NFIL3: variants seen among roughly 807,000 people sequenced by gnomAD.
NFIL3 encodes the protein nuclear factor interleukin-3-regulated protein.
A neutral mutation model predicts 10.0 loss-of-function variants in NFIL3; 5 were observed. The ratio of observed to expected loss-of-function variants is 0.50; its 90% CI spans 0.26 to 1.06. The LOEUF is 1.06. NFIL3 is among the 50% of genes least tolerant of loss of function. The pLI, the probability that NFIL3 is intolerant of heterozygous loss-of-function variation, is 0.13. For missense variants in NFIL3, 436 were observed against 547.6 expected (o/e 0.80, Z 2.03); for synonymous variants, 202 against 206.5 (o/e 0.98, Z 0.19).
Position 91,410,429 on chromosome 9 carries a change from C to T in NFIL3, c.306G>A (p.Glu102=). ...EKRRLNDLVL[E]NKLIALGEEN... ...CTTCTCCCAGTGCAATTAGTTTGTT[C>T]TCTAAAACCAGGTCATTCAGTCGAC... The change falls in exon 2 of 2, where the codon GAG becomes GAA. Residue 102 remains glutamate (E), a synonymous_variant. Coordinates refer to ENST00000297689, the MANE Select transcript of NFIL3 (RefSeq NM_005384.3). This position sits in a 1 kb window ranked among gnomAD's most constrained non-coding sequence, Gnocchi z 5.7. 6.2e-7 allele frequency: 1 copy of T among 1,613,968 alleles called. No homozygotes were observed. Among genetic ancestry groups the T allele is most frequent in the Non-Finnish European group, 8.5e-7 (1 of 1,180,002 alleles).
the NFIL3 span, among the ~76,000 whole-genome samples, chr9:91,450,787 TA>T: frequency 6.6e-6 from 1 of 152,212 alleles, no homozygotes; most frequent in South Asian, 2.1e-4. Context: ...TTCTGTTCAT[TA>T]TTGAAAGTGG....
the NFIL3 span, among the ~76,000 whole-genome samples, chr9:91,429,367 T>C: frequency 5.0e-4 from 76 of 152,264 alleles, no homozygotes; most frequent in Non-Finnish European, 9.7e-4. Context: ...TTAGCATGGG[T>C]TGACTAACAT....
At chr9:91,477,108 T>C in the NFIL3 span, among the ~76,000 whole-genome samples, 1 of 152,184 alleles carries the variant, frequency 6.6e-6, no homozygotes, top group African/African-American at 2.4e-5. Context: ...CGGGCTGCAC[T>C]GGGTTCCCTG....
At chr9:91,455,794 G>A in the NFIL3 span, among the ~76,000 whole-genome samples, 3 of 152,066 alleles carry the variant, frequency 2.0e-5, no homozygotes, top group Admixed American at 6.6e-5. Flanking sequence ...TTATTGGAAC[G>A]CTATGCACGT....
intron 1 of NFIL3, among the ~76,000 whole-genome samples, chr9:91,419,995 G>C (rs1302327976): frequency 1.3e-5 from 2 of 152,186 alleles, no homozygotes; most frequent in African/African-American, 4.8e-5. Flanking sequence ...GTTTTAGATA[G>C]AGAAATCATC....
chr9:91,472,387 G>A, the NFIL3 span, among the ~76,000 whole-genome samples: 1 of 152,228 alleles, frequency 6.6e-6, no homozygotes, highest in African/African-American at 2.4e-5. Flanking sequence ...ATATTTCTTG[G>A]AGGCTTTGTT....
Position 91,410,850 on chromosome 9 carries a change from C to T in NFIL3, c.-116G>A, listed in dbSNP as rs964791267. 1.5e-5 allele frequency: 17 copies of T among 1,130,034 alleles called. No homozygotes were observed. The highest frequency in any genetic ancestry group is 5.0e-5 in the East Asian group (2 of 39,664). 70.0% of individuals were successfully genotyped at this position (1,130,034 alleles called of 1,614,324 possible). A position where few individuals can be genotyped will look rare whatever the true frequency, so the allele number is the denominator to read the frequency against. ...ATCAATATTCTTCCTTTTGTTCTACCGTCTGGGATAAATCCGTCAGGCTCC... is the reference window on the plus strand; with the variant it reads ...ATCAATATTCTTCCTTTTGTTCTACTGTCTGGGATAAATCCGTCAGGCTCC... On this transcript the variant is annotated 5_prime_UTR_variant, in exon 2 of 2. Transcript: ENST00000297689. This position sits in a 1 kb window ranked among gnomAD's most constrained non-coding sequence, Gnocchi z 5.7.
At chr9:91,427,013 T>C (rs1587971572), upstream of NFIL3, 2 of 151,300 alleles carry the variant, frequency 1.3e-5, no homozygotes, top group Non-Finnish European at 2.9e-5. Context: ...GTTTTTCAGC[T>C]CTCTCATCAA....
At chr9:91,431,399 A>G in the NFIL3 span, among the ~76,000 whole-genome samples, 1 of 152,144 alleles carries the variant, frequency 6.6e-6, no homozygotes, top group African/African-American at 2.4e-5. Context: ...TCTACACAGT[A>G]AGAATAATAA....
At chr9:91,438,601 C>A in the NFIL3 span, among the ~76,000 whole-genome samples, 4,517 of 152,254 alleles carry the variant, frequency 0.03, 94 homozygotes, top group East Asian at 0.092. Context: ...TGTTCAGGCA[C>A]TTTTCCCCTC....
At chr9:91,421,082 G>A (rs1170888705) in intron 1 of NFIL3, among the ~76,000 whole-genome samples, 6 of 152,170 alleles carry the variant, frequency 3.9e-5, no homozygotes, top group Non-Finnish European at 7.4e-5. Flanking sequence ...GAAATACAAT[G>A]AAGACTCTTG....
At chr9:91,435,850 ACTTC>A in the NFIL3 span, among the ~76,000 whole-genome samples, 1 of 152,172 alleles carries the variant, frequency 6.6e-6, no homozygotes, top group African/African-American at 2.4e-5. Context: ...CTGGATTTTT[ACTTC>A]CTTCAGTTAC....
At chr9:91,417,998 GACA>G (rs146464502) in intron 1 of NFIL3, among the ~76,000 whole-genome samples, 10,536 of 152,162 alleles carry the variant, frequency 0.069, 449 homozygotes, top group Admixed American at 0.097. Flanking sequence ...TAAATACGAT[GACA>G]ACATTGCATT....
chr9:91,447,221 A>G, the NFIL3 span, among the ~76,000 whole-genome samples: 1 of 152,204 alleles, frequency 6.6e-6, no homozygotes, highest in Admixed American at 6.5e-5. Context: ...TTGTTTACCC[A>G]TTCATCTGTT....
Position 91,410,875 on chromosome 9 carries a change from C to T in NFIL3, c.-141G>A, listed in dbSNP as rs2117951531. On this transcript the variant is annotated 5_prime_UTR_variant, in exon 2 of 2. Transcript: ENST00000297689. This position sits in a 1 kb window ranked among gnomAD's most constrained non-coding sequence, Gnocchi z 5.7. ...CGTCTGGGATAAATCCGTCAGGCTC[C>T]TTATTGAATGAAGTTGGGCCTCCTT... The T allele has an allele frequency of 1.1e-6, 1 of 872,324 alleles. No individual in the cohort carries two copies. The highest frequency in any genetic ancestry group is 1.7e-6 in the Non-Finnish European group (1 of 593,530). 54.0% of individuals were successfully genotyped at this position (872,324 alleles called of 1,614,324 possible).
At chr9:91,458,335 T>C in the NFIL3 span, among the ~76,000 whole-genome samples, 2 of 152,254 alleles carry the variant, frequency 1.3e-5, no homozygotes, top group Admixed American at 6.5e-5. Flanking sequence ...CAGGGCTATT[T>C]AGGTTATTTA....
chr9:91,475,216 A>G, the NFIL3 span, among the ~76,000 whole-genome samples: 3 of 152,186 alleles, frequency 2.0e-5, no homozygotes, highest in African/African-American at 7.2e-5. Context: ...CTTATAATCT[A>G]TCCATAGATT....
the NFIL3 span, among the ~76,000 whole-genome samples, chr9:91,481,283 A>T: frequency 6.6e-6 from 1 of 152,082 alleles, no homozygotes; most frequent in Non-Finnish European, 1.5e-5. Context: ...GGGAAAACAC[A>T]CGTAATTTCA....
the NFIL3 span, among the ~76,000 whole-genome samples, chr9:91,443,672 G>A: frequency 1.3e-5 from 2 of 152,326 alleles, no homozygotes; most frequent in South Asian, 4.1e-4. Flanking sequence ...AAGCCTGCAG[G>A]GACAGAGGGG....
Sources: gnomAD v4.1 joint callset for allele counts (sites outside exome capture counted in the v4.1 genomes callset) on GRCh38, gnomAD v4.1.1 for gene constraint, Gnocchi (gnomAD v3.1) non-coding constraint, MANE v1.5 for transcripts, NCBI Gene and HGNC (gene_info 2026-07-23, HGNC 2026-07-21) for gene names.